EFNA5: variants seen among roughly 807,000 people sequenced by gnomAD.
EFNA5 encodes the protein ephrin A5, also known as ephrin-A5.
EFNA5 carries 5 observed loss-of-function variants against 22.9 expected under a neutral mutation model. The observed-to-expected ratio is 0.22, with a 90% confidence interval of 0.11 to 0.46. The LOEUF (loss-of-function observed/expected upper bound fraction) is 0.46, where lower values mean the gene tolerates loss of function less well. EFNA5 is among the 20% of genes least tolerant of loss of function. The probability of loss-of-function intolerance (pLI) is 0.99; values close to 1 mark genes in which losing one functional copy is unlikely to be tolerated. For missense variants in EFNA5, 237 were observed against 293.3 expected (o/e 0.81, Z 1.40); for synonymous variants, 113 against 112.2 (o/e 1.01, Z -0.04).
At chr5:107,571,137 G>A (rs1393118455) in intron 1 of EFNA5, among the ~76,000 whole-genome samples, 1 of 152,208 alleles carries the variant, frequency 6.6e-6, no homozygotes, top group Admixed American at 6.5e-5. Context: ...AACTGTGAGC[G>A]AGTGGGGGAA....
At chr5:107,430,758 T>C (rs1042373352) in intron 1 of EFNA5, among the ~76,000 whole-genome samples, 1 of 140,476 alleles carries the variant, frequency 7.1e-6, no homozygotes, top group Admixed American at 7.8e-5. Context: ...CCCCAGCAAT[T>C]ATTATTTCTT....
At chr5:107,633,479 G>T (rs1750303045) in intron 1 of EFNA5, among the ~76,000 whole-genome samples, 1 of 152,180 alleles carries the variant, frequency 6.6e-6, no homozygotes, top group Non-Finnish European at 1.5e-5. Context: ...TCACTGCCGG[G>T]GCCCCGCGCC....
chr5:107,666,883 A>T (rs766102542), intron 1 of EFNA5, among the ~76,000 whole-genome samples: 2 of 152,144 alleles, frequency 1.3e-5, no homozygotes, highest in Admixed American at 6.5e-5. Flanking sequence ...GCATGTTCTT[A>T]GTATTATGAC....
At chr5:107,447,294 C>T (rs936944167) in intron 1 of EFNA5, among the ~76,000 whole-genome samples, 1 of 150,508 alleles carries the variant, frequency 6.6e-6, no homozygotes, top group Non-Finnish European at 1.5e-5. Context: ...ACAGGAAGGC[C>T]TGTTTTAACT....
At chr5:107,405,351 G>A (rs1748179851) in intron 2 of EFNA5, among the ~76,000 whole-genome samples, 2 of 152,224 alleles carry the variant, frequency 1.3e-5, no homozygotes, top group Non-Finnish European at 2.9e-5. Context: ...AGAAGGCTCT[G>A]TCTCAGGAAG....
Position 107,387,217 on chromosome 5 carries a change from T to C in EFNA5, c.565+18A>G. 5 of 1,551,266 alleles carry C rather than the reference T, an allele frequency of 3.2e-6. No individual in the cohort carries two copies. Among genetic ancestry groups the C allele is most frequent in the Non-Finnish European group, 4.4e-6 (5 of 1,137,580 alleles). On this transcript the variant is annotated intron_variant, in intron 4 of 4. Coordinates refer to ENST00000333274, the MANE Select transcript of EFNA5 (RefSeq NM_001962.3). ...AAATAGATGCATTTGTTAAAAGAGA[T>C]TCTCTAAGCATACTAACCTGCTGGT...
chr5:107,547,385 C>A (rs1231404106), intron 1 of EFNA5, among the ~76,000 whole-genome samples: 1 of 152,116 alleles, frequency 6.6e-6, no homozygotes, highest in Non-Finnish European at 1.5e-5. Flanking sequence ...TCATACCTCC[C>A]AACAACAGAA....
At chr5:107,521,836 TAGTC>T (rs774738321) in intron 1 of EFNA5, among the ~76,000 whole-genome samples, 11 of 152,104 alleles carry the variant, frequency 7.2e-5, no homozygotes, top group Admixed American at 3.3e-4. Flanking sequence ...TTTTCTTTCT[TAGTC>T]AGTTCCCGCT....
At chr5:107,498,396 T>C (rs892059544) in intron 1 of EFNA5, among the ~76,000 whole-genome samples, 1 of 152,212 alleles carries the variant, frequency 6.6e-6, no homozygotes, top group African/African-American at 2.4e-5. Flanking sequence ...CTCACAAATT[T>C]CTTGATTCAT....
At chr5:107,659,200 C>A (rs553881711) in intron 1 of EFNA5, among the ~76,000 whole-genome samples, 19 of 152,172 alleles carry the variant, frequency 1.2e-4, no homozygotes, top group Admixed American at 9.2e-4. Context: ...TATAGAATTT[C>A]TTCAGTGTGA....
rs542444571 is a variant in EFNA5, at chr5:107,562,763, T to C, written c.125+107726A>G. 3.0e-3 allele frequency among the ~76,000 whole-genome samples: 463 copies of C among 152,278 alleles called. 5 individuals carry two copies. The highest frequency in any genetic ancestry group is 0.011 in the African/African-American group (445 of 41,576). Reference sequence around the variant, plus strand: ...TTTAAATCTAGTGCAAAAAATAAAATAGAAAAGAGAGCTTCCTTTTATACA... The same window carrying C: ...TTTAAATCTAGTGCAAAAAATAAAACAGAAAAGAGAGCTTCCTTTTATACA... On this transcript the variant is annotated intron_variant, in intron 1 of 4. Coordinates refer to ENST00000333274, the MANE Select transcript of EFNA5 (RefSeq NM_001962.3).
intron 1 of EFNA5, among the ~76,000 whole-genome samples, chr5:107,547,162 T>C (rs375582178): frequency 9.9e-5 from 15 of 152,214 alleles, no homozygotes; most frequent in African/African-American, 2.9e-4. Context: ...ACATGGATCA[T>C]GGATACACTG....
intron 1 of EFNA5, among the ~76,000 whole-genome samples, chr5:107,667,011 T>C (rs75719843): frequency 0.014 from 2,082 of 152,244 alleles, 57 homozygotes; most frequent in African/African-American, 0.046. Context: ...CAAATAGTTA[T>C]ATTCTTCTTG....
intron 1 of EFNA5, among the ~76,000 whole-genome samples, chr5:107,519,346 C>G (rs1747549511): frequency 6.6e-6 from 1 of 152,180 alleles, no homozygotes; most frequent in African/African-American, 2.4e-5. Flanking sequence ...GGCTGTTTAC[C>G]TTTTCATAAC....
At chr5:107,640,976 G>GCAGATAGATAGATAGA (rs1220449654) in intron 1 of EFNA5, among the ~76,000 whole-genome samples, 7 of 145,566 alleles carry the variant, frequency 4.8e-5, no homozygotes, top group African/African-American at 1.8e-4. Flanking sequence ...AGGTAGGCAG[G>GCAGATAGATAGATAGA]TAGATAGATA....
At chr5:107,421,795 T>TC (rs1748675284) in intron 2 of EFNA5, among the ~76,000 whole-genome samples, 1 of 139,218 alleles carries the variant, frequency 7.2e-6, no homozygotes, top group African/African-American at 2.7e-5. Context: ...TTTCTTTCTT[T>TC]CTTTTTTTTT....
chr5:107,454,293 A>G (rs1749635942), intron 1 of EFNA5, among the ~76,000 whole-genome samples: 1 of 152,168 alleles, frequency 6.6e-6, no homozygotes, highest in African/African-American at 2.4e-5. Context: ...ATAAATTAGT[A>G]ACATTTTTTC....
rs1237772343 is a variant in EFNA5 at position 107,670,537 on chromosome 5, T to C, written c.77A>G (p.Lys26Arg). 1 of 1,589,694 alleles carries C rather than the reference T, an allele frequency of 6.3e-7. No individual in the cohort carries two copies. The highest frequency in any genetic ancestry group is 1.4e-5 in the African/African-American group (1 of 73,980). The change falls in exon 1 of 5, where the codon AAG (lysine) becomes AGG (arginine). Residue 26 changes from lysine to arginine, a missense_variant. Lys to Arg is a conservative substitution (Grantham distance 26). This residue lies in a region of EFNA5 where 120 missense variants were observed against 140.5 expected (regional missense o/e 0.85). Transcript: ENST00000333274. ...GACAGCGTAGCGGTCGGCGACGGCC[T>C]TGGAGCCCGGGTCCTGGCTGAACAC... is the stretch of plus-strand genomic sequence containing the variant. ...MCVFSQDPGS[K>R]AVADRYAVYW...
intron 2 of EFNA5, among the ~76,000 whole-genome samples, chr5:107,419,799 C>T (rs1249204308): frequency 2.0e-5 from 3 of 152,112 alleles, no homozygotes; most frequent in East Asian, 1.9e-4. Flanking sequence ...GAAGTTGATG[C>T]TACAGTAAAT....
Sources: allele counts gnomAD v4.1 joint callset (sites outside exome capture counted in the v4.1 genomes callset), GRCh38; gene constraint gnomAD v4.1.1; regional missense constraint gnomAD v4.1.1; transcripts MANE v1.5; gene names NCBI Gene and HGNC (gene_info 2026-07-23, HGNC 2026-07-21).